Variants in SLC35F3 observed in about 807,000 individuals in gnomAD.
The protein encoded by SLC35F3 is solute carrier family 35 member F3.
In SLC35F3, 25 loss-of-function variants were observed where a neutral mutation model predicts 49.9. The ratio of observed to expected loss-of-function variants is 0.50; its 90% confidence interval spans 0.37 to 0.70. SLC35F3 has a LOEUF of 0.70. Among genes scored for constraint, SLC35F3 ranks in the 30% least tolerant of loss-of-function variants. The pLI is 0.00. For synonymous variants in SLC35F3, 275 were observed against 265.4 expected, an observed-to-expected ratio of 1.04 and a Z score of -0.35; for missense variants, 525 against 639.8, an observed-to-expected ratio of 0.82 and a Z score of 1.94.
intron 2 of SLC35F3, among the ~76,000 whole-genome samples, chr1:233,984,425 G>A (rs965146776): frequency 1.3e-5 from 2 of 152,212 alleles, no homozygotes; most frequent in Non-Finnish European, 2.9e-5. Flanking sequence ...TGACCTCCCT[G>A]ATGGCTTGCA....
chr1:234,029,445 G>A (rs1171445772), intron 2 of SLC35F3, among the ~76,000 whole-genome samples: 3 of 152,112 alleles, frequency 2.0e-5, no homozygotes, highest in African/African-American at 7.2e-5. Context: ...ATTTGGATGT[G>A]GCAGGTGGAG....
chr1:234,028,093 G>A (rs1250666082), intron 2 of SLC35F3, among the ~76,000 whole-genome samples: 2 of 152,174 alleles, frequency 1.3e-5, no homozygotes, highest in African/African-American at 4.8e-5. Flanking sequence ...AGGCCAACCT[G>A]CAGACTGAAG....
At chr1:234,164,368 C>G (rs1313283012) in intron 2 of SLC35F3, among the ~76,000 whole-genome samples, 5 of 148,876 alleles carry the variant, frequency 3.4e-5, no homozygotes, top group African/African-American at 1.2e-4. Context: ...CTTCTTTCCC[C>G]TCTCTCCTCA....
rs189998644 is a variant in SLC35F3 at position 233,972,704 on chromosome 1, A to G, written c.283+66946A>G. Among the ~76,000 whole-genome samples the G allele has an allele frequency of 1.9e-3, 295 of 152,358 alleles. 1 individual carries two copies. The highest frequency in any genetic ancestry group is 6.6e-3 in the African/African-American group (274 of 41,582). ...ATTCAGAGGAGAGGTCAAGATGGAC[A>G]ACGAAGGCCTTTTTCTCATTTCTCT... On this transcript the variant is annotated intron_variant, in intron 2 of 7. Transcript: ENST00000366618.
chr1:234,302,372 G>C (rs1164668250), intron 3 of SLC35F3, among the ~76,000 whole-genome samples: 1 of 152,102 alleles, frequency 6.6e-6, no homozygotes, highest in African/African-American at 2.4e-5. Context: ...TCTGGAATTG[G>C]CAATGTGAAG....
At chr1:234,088,658 T>C (rs190007374) in intron 2 of SLC35F3, among the ~76,000 whole-genome samples, 24 of 152,372 alleles carry the variant, frequency 1.6e-4, no homozygotes, top group African/African-American at 5.5e-4. Flanking sequence ...ATTTTGTGTT[T>C]TGCCATATTT....
intron 2 of SLC35F3, among the ~76,000 whole-genome samples, chr1:233,926,386 T>C (rs1662161082): frequency 6.6e-6 from 1 of 152,198 alleles, no homozygotes; most frequent in Non-Finnish European, 1.5e-5. Context: ...ATTCATTTGA[T>C]TTTCAATCAC....
intron 2 of SLC35F3, among the ~76,000 whole-genome samples, chr1:234,224,292 C>G: frequency 6.6e-6 from 1 of 152,120 alleles, no homozygotes; most frequent in East Asian, 1.9e-4. Flanking sequence ...GTCTTGAACC[C>G]CTGGGCTCAA....
At chr1:234,312,423 G>A (rs80016254) in intron 4 of SLC35F3, among the ~76,000 whole-genome samples, 17,268 of 152,222 alleles carry the variant, frequency 0.11, 1,110 homozygotes, top group Admixed American at 0.21. Context: ...GATTCCAGCT[G>A]ATGTTTCCAA....
chr1:234,072,618 A>G (rs188308964), intron 2 of SLC35F3, among the ~76,000 whole-genome samples: 133 of 152,256 alleles, frequency 8.7e-4, no homozygotes, highest in African/African-American at 3.0e-3. Context: ...AGATAATTGA[A>G]CAGAGAAAGG....
intron 3 of SLC35F3, among the ~76,000 whole-genome samples, chr1:234,254,738 T>A (rs593631): frequency 0.81 from 123,143 of 152,272 alleles, 50,275 homozygotes; most frequent in African/African-American, 0.92. Context: ...CCACTCACTC[T>A]CTGTAAAGTT....
chr1:233,948,226 AGG>A (rs1392125338), intron 2 of SLC35F3, among the ~76,000 whole-genome samples: 100 of 130,198 alleles, frequency 7.7e-4, no homozygotes, highest in African/African-American at 3.0e-3. Context: ...AGAGGGAGAG[AGG>A]GAGAGAGAGA....
intron 2 of SLC35F3, among the ~76,000 whole-genome samples, chr1:234,064,335 C>G (rs187011261): frequency 6.6e-6 from 1 of 152,238 alleles, no homozygotes; most frequent in Non-Finnish European, 1.5e-5. Flanking sequence ...GGACTTTATT[C>G]TATGGTTAAT....
intron 2 of SLC35F3, among the ~76,000 whole-genome samples, chr1:234,069,048 T>G (rs1473056963): frequency 8.6e-6 from 1 of 115,648 alleles, no homozygotes; most frequent in Non-Finnish European, 1.7e-5. Context: ...TAATTTTATA[T>G]ATAATATATA....
At chr1:233,995,687 C>T (rs1384466795) in intron 2 of SLC35F3, among the ~76,000 whole-genome samples, 1 of 152,078 alleles carries the variant, frequency 6.6e-6, no homozygotes, top group Non-Finnish European at 1.5e-5. Context: ...GGCAAAGGTC[C>T]CTGCTTATCC....
At chr1:234,199,762 C>CA (rs34246932) in intron 2 of SLC35F3, among the ~76,000 whole-genome samples, 21,181 of 151,940 alleles carry the variant, frequency 0.14, 3,689 homozygotes, top group East Asian at 0.88. Context: ...GGCTAATATA[C>CA]AAAAAAATAA....
intron 3 of SLC35F3, among the ~76,000 whole-genome samples, chr1:234,276,545 A>G (rs191467796): frequency 7.9e-5 from 12 of 152,300 alleles, no homozygotes; most frequent in Admixed American, 3.9e-4. Flanking sequence ...AGAAAGCTTC[A>G]TGAAGATGGG....
intron 2 of SLC35F3, among the ~76,000 whole-genome samples, chr1:234,174,426 T>C (rs1457791772): frequency 1.3e-5 from 2 of 152,248 alleles, no homozygotes; most frequent in African/African-American, 2.4e-5. Context: ...ATAGCTTCTA[T>C]TTGTTGAGGA....
In SLC35F3 at chr1:234,020,969, G is replaced by C. The variant is rs561423901; in HGVS notation, c.283+115211G>C. 5.9e-5 allele frequency among the ~76,000 whole-genome samples: 9 copies of C among 152,340 alleles called. No individual in the cohort carries two copies. The South Asian group carries it at 1.9e-3, about 32-fold the overall frequency. On this transcript the variant is annotated intron_variant, in intron 2 of 7. Transcript: ENST00000366618. ...AAATTGATGTGGGGAATGCACAGCT[G>C]GTTCTCAGAAGGCCGCATAAAGGCA...
Sources: gnomAD v4.1 joint callset for allele counts (sites outside exome capture counted in the v4.1 genomes callset) on GRCh38, gnomAD v4.1.1 for gene constraint, MANE v1.5 for transcripts, NCBI Gene and HGNC (gene_info 2026-07-23, HGNC 2026-07-21) for gene names.